The following FGD3 variants were observed in gnomAD, a reference collection of about 807,000 sequenced individuals.
FGD3 encodes FYVE, RhoGEF and PH domain-containing protein 3.
A neutral mutation model predicts 71.8 loss-of-function variants in FGD3; 45 were observed. That is an observed-to-expected ratio of 0.63 (90% CI 0.49 to 0.80). The LOEUF (loss-of-function observed/expected upper bound fraction) is 0.80, where lower values mean the gene tolerates loss of function less well. Ranked by LOEUF, FGD3 falls within the 30% of genes least tolerant of loss-of-function variation. The pLI, the probability that FGD3 is intolerant of heterozygous loss-of-function variation, is 0.00. For missense variants in FGD3, 844 were observed against 951.5 expected, an observed-to-expected ratio of 0.89 and a Z score of 1.49; for synonymous variants, 378 against 392.8, an observed-to-expected ratio of 0.96 and a Z score of 0.44.
intron 1 of FGD3, among the ~76,000 whole-genome samples, chr9:92,950,672 T>A (rs1157848954): frequency 6.6e-6 from 1 of 152,148 alleles, no homozygotes; most frequent in African/African-American, 2.4e-5. Flanking sequence ...GGCTGGCAAA[T>A]GTAGCCCGAG....
At chr9:92,959,431 G>A (rs1339425737) in intron 1 of FGD3, among the ~76,000 whole-genome samples, 3 of 151,916 alleles carry the variant, frequency 2.0e-5, no homozygotes, top group Non-Finnish European at 2.9e-5. Context: ...GGCAAGGCTC[G>A]GTGGGTGGCT....
Position 93,010,329 on chromosome 9 carries a change from C to T in FGD3, c.921C>T (p.Leu307=). The change falls in exon 7 of 18, where the codon CTC becomes CTT. Residue 307 remains leucine, a synonymous_variant. Coordinates refer to ENST00000375482, the MANE Select transcript of FGD3 (RefSeq NM_001083536.2). The stretch of plus-strand genomic sequence containing the variant: ...GGGTCCCCCGGTACGAGCTGCTGCT[C>T]AAGGACTATCTGAAGAGGCTCCCGC... ...VQRVPRYELL[L]KDYLKRLPQD... 1 of 1,613,698 alleles carries T rather than the reference C, an allele frequency of 6.2e-7. No individual in the cohort carries two copies. Among genetic ancestry groups the T allele is most frequent in the Non-Finnish European group, 8.5e-7 (1 of 1,179,696 alleles).
Position 93,036,233 on chromosome 9 carries a change from A to G in FGD3, c.*644A>G, listed in dbSNP as rs1429580411. ...GCATAAATAAACACTGGCCACCAGCAGTGGGCGCAGCCTCGGTGATCTCTC... is the reference window on the plus strand; with the variant it reads ...GCATAAATAAACACTGGCCACCAGCGGTGGGCGCAGCCTCGGTGATCTCTC... On this transcript the variant is annotated 3_prime_UTR_variant, in exon 18 of 18. Transcript: ENST00000375482. 6.6e-6 allele frequency: 1 copy of G among 152,376 alleles called. No individual in the cohort carries two copies. The highest frequency in any genetic ancestry group is 6.5e-5 in the Admixed American group (1 of 15,282). The allele number at this position is 152,376 out of a possible 1,614,324, so 9.4% of individuals were successfully genotyped here.
chr9:93,005,370 G>A (rs1160695547), intron 5 of FGD3, among the ~76,000 whole-genome samples: 1 of 151,850 alleles, frequency 6.6e-6, no homozygotes, highest in Non-Finnish European at 1.5e-5. Flanking sequence ...CTTGTGATCT[G>A]CCCATCTCAG....
intron 17 of FGD3, 58 bp from the exon 18 acceptor site, chr9:93,035,280 A>G: frequency 2.6e-6 from 4 of 1,566,612 alleles, no homozygotes; most frequent in Non-Finnish European, 3.5e-6. Flanking sequence ...CCCATCACTG[A>G]GGTGAGCCCG....
chr9:93,012,362 A>G (rs1363636791), intron 8 of FGD3, among the ~76,000 whole-genome samples: 2 of 152,142 alleles, frequency 1.3e-5, no homozygotes, highest in Non-Finnish European at 2.9e-5. Context: ...GAGAGCTGCA[A>G]CATGTCCAGG....
At position 93,003,079 on chromosome 9, in the gene FGD3, G is replaced by C; in HGVS notation, c.543+65G>C. The C allele has an allele frequency of 7.0e-7, 1 of 1,435,242 alleles. No individual in the cohort carries two copies. The highest frequency in any genetic ancestry group is 9.8e-7 in the Non-Finnish European group (1 of 1,023,802). 88.9% of individuals were successfully genotyped at this position (1,435,242 alleles called of 1,614,324 possible). A position where few individuals can be genotyped will look rare whatever the true frequency, so the allele number is the denominator to read the frequency against. ...GCATTGGCTGGGCATTATAGGTGCAGTGTGAATGACTTAAATACTAAAACT... is the reference window on the plus strand; with the variant it reads ...GCATTGGCTGGGCATTATAGGTGCACTGTGAATGACTTAAATACTAAAACT... On this transcript the variant is annotated intron_variant, in intron 4 of 17. Coordinates refer to ENST00000375482, the MANE Select transcript of FGD3 (RefSeq NM_001083536.2). This position sits in a 1 kb window ranked among gnomAD's most constrained non-coding sequence, Gnocchi z 4.1.
chr9:92,972,313 G>A (rs1391130298), intron 1 of FGD3, among the ~76,000 whole-genome samples: 21 of 151,862 alleles, frequency 1.4e-4, no homozygotes, highest in African/African-American at 4.8e-5. Context: ...TTAGCCAGGC[G>A]TGGTGGTGGG....
chr9:93,022,269 GCA>G, intron 13 of FGD3, 56 bp from the exon 14 acceptor site: 2 of 1,556,032 alleles, frequency 1.3e-6, no homozygotes, highest in South Asian at 2.3e-5. Flanking sequence ...TCCCCCCGCT[GCA>G]CAGTGGCTGC....
At chr9:92,973,330 G>C (rs1859606450) in intron 1 of FGD3, among the ~76,000 whole-genome samples, 1 of 152,018 alleles carries the variant, frequency 6.6e-6, no homozygotes, top group South Asian at 2.1e-4. Flanking sequence ...GGCCAGGCTG[G>C]TCTCGAACTC....
At chr9:92,987,985 AT>A (rs143508527) in intron 3 of FGD3, among the ~76,000 whole-genome samples, 6,736 of 152,192 alleles carry the variant, frequency 0.044, 176 homozygotes, top group Middle Eastern at 0.092. Context: ...ACCAGTTATT[AT>A]TTTAAAGAGG....
chr9:92,967,577 T>C (rs1474010081), intron 1 of FGD3, among the ~76,000 whole-genome samples: 1 of 152,070 alleles, frequency 6.6e-6, no homozygotes, highest in Non-Finnish European at 1.5e-5. Flanking sequence ...TTCCTTCCGG[T>C]TTATTTATTT....
At chr9:92,994,253 A>G (rs1028257330) in intron 3 of FGD3, among the ~76,000 whole-genome samples, 4 of 152,212 alleles carry the variant, frequency 2.6e-5, no homozygotes, top group African/African-American at 9.6e-5. Context: ...TGTTGGCTGC[A>G]TGAATGTCTT....
Position 92,971,506 on chromosome 9 carries a change from G to A in FGD3, c.-217-3732G>A, listed in dbSNP as rs746896420. 5.4e-5 allele frequency among the ~76,000 whole-genome samples: 8 copies of A among 149,032 alleles called. No homozygotes were observed. In the South Asian group the frequency reaches 6.4e-4, roughly 12 times the overall value. The stretch of plus-strand genomic sequence containing the variant: ...ATGCTTAGGAATGTCTGAAACTCAC[G>A]AAGTTTGTACAGTTCAAAGGCGATA... On this transcript the variant is annotated intron_variant, in intron 1 of 17. Coordinates refer to ENST00000375482, the MANE Select transcript of FGD3 (RefSeq NM_001083536.2).
intron 14 of FGD3, among the ~76,000 whole-genome samples, chr9:93,028,247 C>T (rs1862209637): frequency 6.7e-6 from 1 of 149,836 alleles, no homozygotes; most frequent in South Asian, 2.1e-4. Flanking sequence ...CCCCAATTTT[C>T]TGTAATATTT....
chr9:92,982,504 C>T (rs1009611133), intron 3 of FGD3, among the ~76,000 whole-genome samples: 4 of 151,970 alleles, frequency 2.6e-5, no homozygotes, highest in Non-Finnish European at 5.9e-5. Flanking sequence ...AATGTCCAGT[C>T]GTGTGATTGC....
intron 9 of FGD3, among the ~76,000 whole-genome samples, chr9:93,014,570 G>T (rs1861588307): frequency 6.6e-6 from 1 of 151,772 alleles, no homozygotes; most frequent in Non-Finnish European, 1.5e-5. Flanking sequence ...ACTCATTTTT[G>T]CTTTACAGTT....
chr9:92,951,490 A>C (rs1858953152), intron 1 of FGD3, among the ~76,000 whole-genome samples: 1 of 152,224 alleles, frequency 6.6e-6, no homozygotes, highest in Non-Finnish European at 1.5e-5. Context: ...CAGGCTGGGC[A>C]ACATTGTGAA....
rs1164075390 is a variant in FGD3, at chr9:92,970,888, G to A, written c.-217-4350G>A. Reference sequence around the variant, plus strand: ...TTGCTGCTGGCAAAAGCCTTTGGCCGCAGAGGGGCTCTGCCCGGCTACACT... The same window carrying A: ...TTGCTGCTGGCAAAAGCCTTTGGCCACAGAGGGGCTCTGCCCGGCTACACT... On this transcript the variant is annotated intron_variant, in intron 1 of 17. Coordinates refer to ENST00000375482, the MANE Select transcript of FGD3 (RefSeq NM_001083536.2). Among the ~76,000 whole-genome samples, 3 of 152,358 alleles carry A rather than the reference G, an allele frequency of 2.0e-5. No individual in the cohort carries two copies. In the East Asian group the frequency reaches 5.8e-4, roughly 29 times the overall value.
Sources: allele counts gnomAD v4.1 joint callset (sites outside exome capture counted in the v4.1 genomes callset), GRCh38; gene constraint gnomAD v4.1.1; non-coding constraint Gnocchi (gnomAD v3.1); transcripts MANE v1.5; gene names NCBI Gene and HGNC (gene_info 2026-07-23, HGNC 2026-07-21).